AFAP1: variants seen among roughly 807,000 people sequenced by gnomAD.
The protein encoded by AFAP1 is actin filament associated protein 1, also known as actin filament-associated protein 1.
Under a neutral mutation model 93.9 loss-of-function variants are expected in AFAP1, and 75 were observed. That is an observed-to-expected ratio of 0.80 (90% CI 0.66 to 0.97). The LOEUF (loss-of-function observed/expected upper bound fraction) is 0.97. AFAP1 is among the 50% of genes least tolerant of loss of function. AFAP1 has a pLI of 0.00. For missense variants in AFAP1, 1,201 were observed against 1,050.8 expected (o/e 1.14, Z -1.98); for synonymous variants, 517 against 430.7 (o/e 1.20, Z -2.48).
rs56032709 is a variant in AFAP1 at position 7,825,954 on chromosome 4, TA to T, written c.727-6784del. On this transcript the variant is annotated intron_variant, in intron 6 of 17. Coordinates refer to ENST00000420658, the MANE Select transcript of AFAP1 (RefSeq NM_001134647.2). ...GACAAATAAAACAAGTGGATATGCT[TA>T]AAAAAAAAAAAAAAAGTCCTAGTAC... Among the ~76,000 whole-genome samples, 790 of 133,682 alleles carry T rather than the reference TA, an allele frequency of 5.9e-3. 3 individuals are homozygous for T. Among genetic ancestry groups the T allele is most frequent in the East Asian group, 0.035 (166 of 4,744 alleles). The allele number at this position is 133,682 out of a possible 152,430, so 87.7% of individuals were successfully genotyped here.
rs866496771 is a variant in AFAP1, at chr4:7,781,611, C to T, written c.1547G>A (p.Gly516Asp). The change falls in exon 13 of 18, where the codon GGC (glycine) becomes GAC (aspartate). Residue 516 changes from glycine to aspartate, a missense_variant. By Grantham distance (94) the Gly-to-Asp change is moderately conservative. Transcript: ENST00000420658. ...CINGSWEPED[G>D]FPASCSRGLG... ...GCCTCTGCTGCAGGAAGCAGGAAAGCCGTCTTCCGGTTCCCACTGCAACAC... is the reference window on the plus strand; with the variant it reads ...GCCTCTGCTGCAGGAAGCAGGAAAGTCGTCTTCCGGTTCCCACTGCAACAC... The T allele has an allele frequency of 6.4e-7, 1 of 1,551,664 alleles. No homozygotes were observed. Among genetic ancestry groups the T allele is most frequent in the Non-Finnish European group, 8.7e-7 (1 of 1,147,020 alleles).
intron 10 of AFAP1, among the ~76,000 whole-genome samples, chr4:7,798,254 G>A (rs975078987): frequency 1.4e-5 from 2 of 145,970 alleles, no homozygotes; most frequent in Non-Finnish European, 3.0e-5. Context: ...CAACTCTATT[G>A]GCTGGCTCAC....
chr4:7,802,962 C>A (rs188020713), intron 9 of AFAP1, among the ~76,000 whole-genome samples: 2 of 152,290 alleles, frequency 1.3e-5, no homozygotes, highest in East Asian at 1.9e-4. Flanking sequence ...AAAAAAGAAA[C>A]CTCTACTTAA....
chr4:7,880,314 C>G (rs1258800220), intron 1 of AFAP1, among the ~76,000 whole-genome samples: 1 of 137,466 alleles, frequency 7.3e-6, no homozygotes, highest in Non-Finnish European at 1.5e-5. Flanking sequence ...GAGTCTCACT[C>G]TGTCACCCAG....
intron 4 of AFAP1, among the ~76,000 whole-genome samples, chr4:7,851,746 G>A (rs1484059197): frequency 1.3e-5 from 2 of 152,152 alleles, no homozygotes; most frequent in Non-Finnish European, 1.5e-5. Flanking sequence ...CCTGCCAACA[G>A]CAGACGGCAA....
rs117072142 is a variant in AFAP1 at position 7,890,422 on chromosome 4, G to A, written c.-2-18342C>T. Among the ~76,000 whole-genome samples, 129 of 152,218 alleles carry A rather than the reference G, an allele frequency of 8.5e-4. 1 individual carries two copies. In the East Asian group the frequency reaches 0.022, roughly 26 times the overall value. On this transcript the variant is annotated intron_variant, in intron 1 of 17. Transcript: ENST00000420658. ...AACATAAAAGATAAAACTATAAGAC[G>A]TCTCAATGAAAACATAGGCAAAAAT...
chr4:7,776,629 C>T (rs1560150449), intron 14 of AFAP1: 1 of 152,246 alleles, frequency 6.6e-6, no homozygotes, highest in East Asian at 1.9e-4. Flanking sequence ...CAATGAAATA[C>T]TGCATTTATG....
At chr4:7,906,386 G>A (rs948454778) in intron 1 of AFAP1, among the ~76,000 whole-genome samples, 3 of 152,286 alleles carry the variant, frequency 2.0e-5, no homozygotes, top group South Asian at 2.1e-4. Flanking sequence ...AAAAACAAAC[G>A]TATGAAATCA....
intron 1 of AFAP1, among the ~76,000 whole-genome samples, chr4:7,920,895 AG>A (rs2149236557): frequency 1.3e-5 from 2 of 152,288 alleles, no homozygotes; most frequent in South Asian, 4.1e-4. Flanking sequence ...AAAGGTTTAT[AG>A]GCTAGGAGAG....
At chr4:7,887,175 G>A (rs1402294902) in intron 1 of AFAP1, among the ~76,000 whole-genome samples, 2 of 152,226 alleles carry the variant, frequency 1.3e-5, no homozygotes, top group Admixed American at 6.5e-5. Flanking sequence ...CACCAGTCAA[G>A]AGAGGGCAAA....
At chr4:7,769,879 G>A (rs1017434270) in intron 16 of AFAP1, among the ~76,000 whole-genome samples, 4 of 152,232 alleles carry the variant, frequency 2.6e-5, no homozygotes, top group African/African-American at 9.6e-5. Flanking sequence ...CTATGCAGTG[G>A]CAGCCCCTGG....
chr4:7,869,685 C>T (rs933689576), intron 2 of AFAP1, among the ~76,000 whole-genome samples: 1 of 152,152 alleles, frequency 6.6e-6, no homozygotes, highest in African/African-American at 2.4e-5. Context: ...TGTAAAAATA[C>T]TGACTTAACA....
At chr4:7,818,994 C>G (rs1349258750) in intron 7 of AFAP1, 82 bp downstream of exon 7, 3 of 1,283,474 alleles carry the variant, frequency 2.3e-6, no homozygotes, top group East Asian at 2.5e-5. Flanking sequence ...CTGAAATTCT[C>G]AGAGATTGTT....
intron 11 of AFAP1, among the ~76,000 whole-genome samples, chr4:7,792,689 C>A (rs1717991592): frequency 6.6e-6 from 1 of 152,208 alleles, no homozygotes; most frequent in South Asian, 2.1e-4. Flanking sequence ...GACACACCTG[C>A]ATGCTCTCTG....
At chr4:7,898,221 C>A (rs1391741230) in intron 1 of AFAP1, among the ~76,000 whole-genome samples, 1 of 152,066 alleles carries the variant, frequency 6.6e-6, no homozygotes, top group Admixed American at 6.5e-5. Flanking sequence ...ACCAGCCTGG[C>A]CAACATGGTG....
At chr4:7,891,858 G>C (rs28547902) in intron 1 of AFAP1, among the ~76,000 whole-genome samples, 17,424 of 150,814 alleles carry the variant, frequency 0.12, 1,153 homozygotes, top group Non-Finnish European at 0.16. Flanking sequence ...CAAGACCAGC[G>C]TGGCCAACAT....
intron 11 of AFAP1, among the ~76,000 whole-genome samples, chr4:7,787,679 G>A (rs1577207287): frequency 1.3e-5 from 2 of 152,288 alleles, no homozygotes; most frequent in South Asian, 4.1e-4. Flanking sequence ...TGGAGCCTGT[G>A]GTGAGGGAAC....
intron 8 of AFAP1, among the ~76,000 whole-genome samples, chr4:7,812,428 T>C (rs1447064128): frequency 6.6e-6 from 1 of 152,124 alleles, no homozygotes; most frequent in East Asian, 1.9e-4. Context: ...ATTCCTTGAA[T>C]ACTCCCTGAT....
intron 11 of AFAP1, among the ~76,000 whole-genome samples, 197 bp from the exon 12 acceptor site, chr4:7,786,508 T>C (rs1289986066): frequency 1.3e-5 from 2 of 152,180 alleles, no homozygotes; most frequent in African/African-American, 4.8e-5. Context: ...GGATGGCACA[T>C]AATCTGCAGA....
Sources: allele counts gnomAD v4.1 joint callset (sites outside exome capture counted in the v4.1 genomes callset), GRCh38; gene constraint gnomAD v4.1.1; transcripts MANE v1.5; gene names NCBI Gene and HGNC (gene_info 2026-07-23, HGNC 2026-07-21).